CCDC144A: variants seen among roughly 807,000 people sequenced by gnomAD.
CCDC144A encodes the protein coiled-coil domain containing 144A.
Under a neutral mutation model 143.8 loss-of-function variants are expected in CCDC144A, and 41 were observed. The ratio of observed to expected loss-of-function variants is 0.29; its 90% CI spans 0.22 to 0.37. CCDC144A has a LOEUF of 0.37. CCDC144A is among the 10% of genes least tolerant of loss of function. CCDC144A has a pLI of 1.00. For synonymous variants in CCDC144A, 242 were observed against 517.9 expected (o/e 0.47, Z 7.23); for missense variants, 637 against 1,488.8 (o/e 0.43, Z 9.41).
chr17:16,668,927 C>G, the CCDC144A span, among the ~76,000 whole-genome samples: 1 of 152,150 alleles, frequency 6.6e-6, no homozygotes, highest in Non-Finnish European at 1.5e-5. Context: ...TTCAAAGGCC[C>G]TATTTCCAAA....
chr17:16,682,883 GTTTTTTTTTTTTTTTTTTTTT>G, the CCDC144A span, among the ~76,000 whole-genome samples: 6 of 46,432 alleles, frequency 1.3e-4, no homozygotes, highest in South Asian at 2.6e-3. Context: ...TGGATTCTCT[GTTTTTTTTTTTTTTTTTTTTT>G]TTTTTTTTTT....
At chr17:16,678,523 T>C in the CCDC144A span, among the ~76,000 whole-genome samples, 1 of 151,940 alleles carries the variant, frequency 6.6e-6, no homozygotes, top group East Asian at 1.9e-4. Context: ...AGACCTCAGA[T>C]AAGGGGGAAA....
intron 2 of CCDC144A, among the ~76,000 whole-genome samples, chr17:16,699,365 T>C (rs185833812): frequency 6.7e-6 from 1 of 149,088 alleles, no homozygotes; most frequent in East Asian, 2.0e-4. Flanking sequence ...ATTTGCAGGG[T>C]TTTTTGGACT....
chr17:16,758,142 C>A (rs1356952290), intron 12 of CCDC144A, among the ~76,000 whole-genome samples: 1 of 152,206 alleles, frequency 6.6e-6, no homozygotes, highest in Non-Finnish European at 1.5e-5. Context: ...AATGTATAGA[C>A]GTGTTTTAAA....
the CCDC144A span, chr17:16,683,497 C>T: frequency 1.0e-5 from 15 of 1,485,078 alleles, no homozygotes; most frequent in Non-Finnish European, 1.3e-5. Context: ...TGCCGCCGCT[C>T]TCGCGGGTTC....
chr17:16,734,402 T>C (rs1242946519), intron 11 of CCDC144A, among the ~76,000 whole-genome samples: 3 of 152,208 alleles, frequency 2.0e-5, no homozygotes, highest in African/African-American at 7.2e-5. Flanking sequence ...TATTAATCTT[T>C]AATGCCTTTG....
At chr17:16,755,903 T>G (rs1343789355) in intron 12 of CCDC144A, among the ~76,000 whole-genome samples, 2 of 152,150 alleles carry the variant, frequency 1.3e-5, no homozygotes, top group Non-Finnish European at 2.9e-5. Flanking sequence ...AGGTATAATA[T>G]TCTTGACAGG....
chr17:16,694,377 TC>T (rs1333843788), intron 2 of CCDC144A, among the ~76,000 whole-genome samples: 1 of 152,150 alleles, frequency 6.6e-6, no homozygotes, highest in Non-Finnish European at 1.5e-5. Flanking sequence ...GTCCAGAAGT[TC>T]CAGACCAGCC....
chr17:16,668,107 C>A, the CCDC144A span, among the ~76,000 whole-genome samples: 148 of 143,366 alleles, frequency 1.0e-3, 4 homozygotes, highest in East Asian at 0.014. Context: ...TTCATTTTTT[C>A]ATCATTAGTT....
intron 1 of CCDC144A, 80 bp from the exon 2 acceptor site, chr17:16,692,899 A>G: frequency 2.4e-6 from 3 of 1,230,056 alleles, no homozygotes; most frequent in Non-Finnish European, 3.3e-6. Flanking sequence ...ATTGTTTGAA[A>G]TACTCTAAAA....
In CCDC144A at chr17:16,774,356, T is replaced by G. The variant is rs535608726; in HGVS notation, c.*723T>G. 2 of 146,008 alleles carry G rather than the reference T, an allele frequency of 1.4e-5. No homozygotes were observed. Among genetic ancestry groups the G allele is most frequent in the African/African-American group, 5.4e-5 (2 of 37,204 alleles). The allele number at this position is 146,008 out of a possible 1,614,324, so 9.0% of individuals were successfully genotyped here. A position where few individuals can be genotyped will look rare whatever the true frequency, so the allele number is the denominator to read the frequency against. ...AATCGGAAAGTTAACATCAATACAC[T>G]TGATCATTTAATTCTCAGTTTCTTT... On this transcript the variant is annotated 3_prime_UTR_variant, in exon 17 of 17. Coordinates refer to ENST00000399273, the MANE Select transcript of CCDC144A (RefSeq NM_001382000.1).
intron 6 of CCDC144A, among the ~76,000 whole-genome samples, chr17:16,713,511 T>A (rs1320436230): frequency 1.3e-5 from 2 of 152,258 alleles, no homozygotes; most frequent in Non-Finnish European, 2.9e-5. Flanking sequence ...ATATTTTGAC[T>A]ATTACTTTGT....
chr17:16,739,760 G>A (rs542888208), intron 12 of CCDC144A, among the ~76,000 whole-genome samples: 23 of 152,208 alleles, frequency 1.5e-4, no homozygotes, highest in Middle Eastern at 3.4e-3. Context: ...AATATATTGA[G>A]CTATGTCTAT....
At chr17:16,700,828 G>T (rs978831292) in intron 2 of CCDC144A, among the ~76,000 whole-genome samples, 1 of 151,950 alleles carries the variant, frequency 6.6e-6, no homozygotes, top group Non-Finnish European at 1.5e-5. Flanking sequence ...CTTCTTATCT[G>T]ATTAACCTTT....
intron 12 of CCDC144A, chr17:16,746,015 C>G: frequency 6.2e-7 from 1 of 1,611,756 alleles, no homozygotes; most frequent in African/African-American, 1.3e-5. Context: ...CTTGAGATCT[C>G]TCCACATCCC....
intron 12 of CCDC144A, among the ~76,000 whole-genome samples, chr17:16,738,020 C>T (rs1378827417): frequency 6.6e-6 from 1 of 151,516 alleles, no homozygotes; most frequent in African/African-American, 2.4e-5. Context: ...TGAGGCAAGC[C>T]AGATTAAATT....
chr17:16,706,060 G>A (rs2143103067), intron 3 of CCDC144A: 1 of 152,278 alleles, frequency 6.6e-6, no homozygotes, highest in Non-Finnish European at 1.5e-5. Context: ...TCCAACCTGG[G>A]CAATAGAGGA....
chr17:16,740,005 C>T (rs544254624), intron 12 of CCDC144A, among the ~76,000 whole-genome samples: 1 of 151,892 alleles, frequency 6.6e-6, no homozygotes, highest in African/African-American at 2.4e-5. Flanking sequence ...TACCTTTTGT[C>T]TCTCACCCAG....
In CCDC144A at chr17:16,690,646, C is replaced by T. The variant is rs763510968; in HGVS notation, c.246C>T (p.Gly82=). The T allele has an allele frequency of 2.5e-5, 40 of 1,613,654 alleles. No homozygotes were observed. Among genetic ancestry groups the T allele is most frequent in the African/African-American group, 4.0e-5 (3 of 74,928 alleles). The change falls in exon 1 of 17, where the codon GGC becomes GGT. Residue 82 remains glycine, a synonymous_variant. Coordinates refer to ENST00000399273, the MANE Select transcript of CCDC144A (RefSeq NM_001382000.1). ...PQHDVRLEDL[G]ELHRAARSGD... ...ACGACGTCCGCCTGGAAGATCTTGGCGAGCTCCACAGAGCTGCCCGGTCGG... is the reference window on the plus strand; with the variant it reads ...ACGACGTCCGCCTGGAAGATCTTGGTGAGCTCCACAGAGCTGCCCGGTCGG...
Sources: gnomAD v4.1 joint callset for allele counts (sites outside exome capture counted in the v4.1 genomes callset) on GRCh38, gnomAD v4.1.1 for gene constraint, MANE v1.5 for transcripts, NCBI Gene and HGNC (gene_info 2026-07-23, HGNC 2026-07-21) for gene names.